The following ZNF454 variants were observed in gnomAD, a reference collection of about 807,000 sequenced individuals.
ZNF454 encodes the protein zinc finger protein 454.
Under a neutral mutation model 48.2 loss-of-function variants are expected in ZNF454, and 30 were observed. The ratio of observed to expected loss-of-function variants is 0.62; its 90% CI spans 0.47 to 0.84. ZNF454 has a LOEUF of 0.84. ZNF454 is among the 40% of genes least tolerant of loss of function. The pLI, the probability that ZNF454 is intolerant of heterozygous loss-of-function variation, is 0.00. For missense variants in ZNF454, 510 were observed against 623.1 expected, an observed-to-expected ratio of 0.82 and a Z score of 1.93; for synonymous variants, 204 against 211.4, an observed-to-expected ratio of 0.97 and a Z score of 0.30.
At chr5:178,978,692 A>AACAGT in the ZNF454 span, 1 of 152,236 alleles carries the variant, frequency 6.6e-6, no homozygotes, top group Non-Finnish European at 1.5e-5. Flanking sequence ...CCTCCAACCC[A>AACAGT]GAACTCCATT....
At chr5:178,971,892 C>T in the ZNF454 span, among the ~76,000 whole-genome samples, 412 of 150,956 alleles carry the variant, frequency 2.7e-3, 2 homozygotes, top group African/African-American at 8.6e-3. Flanking sequence ...CCAGGAAGGG[C>T]GGCTCTGTCT....
At chr5:178,986,348 C>G in the ZNF454 span, 2 of 1,614,098 alleles carry the variant, frequency 1.2e-6, no homozygotes, top group South Asian at 2.2e-5. Context: ...AAGGTGATGG[C>G]GTAGATGAGG....
the ZNF454 span, among the ~76,000 whole-genome samples, chr5:178,974,294 TGTGGTTGTTGTGGTTGTG>T: frequency 1.4e-5 from 2 of 141,788 alleles, no homozygotes; most frequent in African/African-American, 6.3e-5. Flanking sequence ...TAGTGGTTGT[TGTGGTTGTTGTGGTTGTG>T]GTTGTTGTTG....
rs1454002549 is a variant in ZNF454, at chr5:178,941,336, G to A, written c.-216G>A. On this transcript the variant is annotated 5_prime_UTR_variant, in exon 1 of 5. Transcript: ENST00000519564. This position sits in a 1 kb window ranked among gnomAD's most constrained non-coding sequence, Gnocchi z 5.5. ...TGGTCAAAGCCGCAGAGGGAGAGCG[G>A]GAGCGGTCGTGAGGTCGTCTGGGGA... 6 of 454,950 alleles carry A rather than the reference G, an allele frequency of 1.3e-5. No individual in the cohort carries two copies. The highest frequency in any genetic ancestry group is 2.2e-5 in the Non-Finnish European group (5 of 225,900). 28.2% of individuals were successfully genotyped at this position (454,950 alleles called of 1,614,324 possible).
At chr5:178,964,409 A>C (rs545567998) in intron 4 of ZNF454, among the ~76,000 whole-genome samples, 3 of 152,180 alleles carry the variant, frequency 2.0e-5, no homozygotes, top group Non-Finnish European at 4.4e-5. Flanking sequence ...TGTGAGCCAC[A>C]ACGCCCAGCC....
At chr5:178,982,520 T>C in the ZNF454 span, among the ~76,000 whole-genome samples, 1 of 125,864 alleles carries the variant, frequency 7.9e-6, no homozygotes, top group East Asian at 2.4e-4. Flanking sequence ...GAGCTTGCAG[T>C]GAGCCAAGAT....
the ZNF454 span, chr5:178,987,412 C>T: frequency 1.0e-4 from 48 of 459,010 alleles, no homozygotes; most frequent in Middle Eastern, 6.4e-4. Context: ...GCAACCCGAG[C>T]GTCCACTGAC....
chr5:178,943,683 A>G (rs931882077), intron 2 of ZNF454, among the ~76,000 whole-genome samples: 4 of 152,222 alleles, frequency 2.6e-5, no homozygotes, highest in Non-Finnish European at 4.4e-5. Flanking sequence ...ATTCTGCCAA[A>G]AAGTCCTATA....
chr5:178,986,326 G>A, the ZNF454 span: 5 of 1,614,124 alleles, frequency 3.1e-6, no homozygotes, highest in Non-Finnish European at 4.2e-6. Flanking sequence ...CCCAGGCTCA[G>A]CCACCATGAG....
the ZNF454 span, among the ~76,000 whole-genome samples, chr5:178,973,768 A>G: frequency 0.22 from 33,101 of 150,098 alleles, 4,130 homozygotes; most frequent in Non-Finnish European, 0.28. Flanking sequence ...GCCTGAACCC[A>G]GGAGGCGGAG....
At chr5:178,942,360 C>T (rs1022430070) in intron 1 of ZNF454, 13 of 156,138 alleles carry the variant, frequency 8.3e-5, no homozygotes, top group Middle Eastern at 6.4e-3. Context: ...GAGCCAAGAT[C>T]GTGCCACTGC....
At chr5:178,962,885 G>C (rs1339608203) in intron 4 of ZNF454, among the ~76,000 whole-genome samples, 1 of 151,756 alleles carries the variant, frequency 6.6e-6, no homozygotes, top group Non-Finnish European at 1.5e-5. Flanking sequence ...AATAGCTGGA[G>C]GTTGGTCACA....
chr5:178,981,661 T>C, the ZNF454 span: 3 of 1,612,786 alleles, frequency 1.9e-6, no homozygotes, highest in African/African-American at 1.3e-5. This position sits in a 1 kb window ranked among gnomAD's most constrained non-coding sequence, Gnocchi z 5.1. Flanking sequence ...GCCCTGCTAC[T>C]TGTGGGCCTC....
At chr5:178,981,846 GA>G in the ZNF454 span, 1 of 1,608,822 alleles carries the variant, frequency 6.2e-7, no homozygotes, top group Non-Finnish European at 8.5e-7. The surrounding 1 kb of genome is among the most constrained non-coding windows in gnomAD (Gnocchi z 5.1). Flanking sequence ...TGGTTGTCTG[GA>G]TGTAGATCTA....
rs773826555 is a variant in ZNF454, at chr5:178,964,799, G to C, written c.395G>C (p.Gly132Ala). The C allele has an allele frequency of 6.2e-7, 1 of 1,614,160 alleles. No individual in the cohort carries two copies. The change falls in exon 5 of 5, where the codon GGC becomes GCC. Residue 132 changes from glycine to alanine, a missense_variant. Around this residue, in one of 3 missense-constraint regions of ZNF454, gnomAD observed 354 missense variants for 408.9 expected, o/e 0.87. Transcript: ENST00000519564. Reference sequence around the variant, plus strand: ...AGCCTGCTGGAGTGGCAATGTGGAGGCCAGGAGATCAGTTTGCAGCGAGTG... The same window carrying C: ...AGCCTGCTGGAGTGGCAATGTGGAGCCCAGGAGATCAGTTTGCAGCGAGTG... The part of the protein sequence containing the change: ...CASLLEWQCG[G>A]QEISLQRVVL...
chr5:178,978,401 A>G, the ZNF454 span: 1 of 152,242 alleles, frequency 6.6e-6, no homozygotes, highest in Admixed American at 6.5e-5. Flanking sequence ...TACAGTAAGC[A>G]ATGAATGTAA....
At chr5:178,982,640 A>G in the ZNF454 span, among the ~76,000 whole-genome samples, 1 of 149,442 alleles carries the variant, frequency 6.7e-6, no homozygotes, top group South Asian at 2.1e-4. Flanking sequence ...AAACAAGCTA[A>G]CTGTAACTGG....
rs1317468458 is a variant in ZNF454 at position 178,964,707 on chromosome 5, T to G, written c.303T>G (p.Pro101=). 2 of 1,614,234 alleles carry G rather than the reference T, an allele frequency of 1.2e-6. No homozygotes were observed. Among genetic ancestry groups the G allele is most frequent in the Admixed American group, 3.3e-5 (2 of 60,026 alleles). ...AATCTACTGTCAAGGCAGAGATTCCTGAAGAAGAATTGGATCAATGGACAA... is the reference window on the plus strand; with the variant it reads ...AATCTACTGTCAAGGCAGAGATTCCGGAAGAAGAATTGGATCAATGGACAA... The part of the protein sequence containing the change: ...SKKSTVKAEI[P]EEELDQWTIK... The change falls in exon 5 of 5, where the codon CCT becomes CCG. Residue 101 remains proline, a synonymous_variant. Transcript: ENST00000519564.
chr5:178,989,723 T>C, the ZNF454 span: 49 of 443,880 alleles, frequency 1.1e-4, no homozygotes, highest in Admixed American at 3.5e-4. Context: ...AAGACTTTTA[T>C]CCCTGCTCCT....
Sources: gnomAD v4.1 joint callset for allele counts (sites outside exome capture counted in the v4.1 genomes callset) on GRCh38, gnomAD v4.1.1 for gene constraint, gnomAD v4.1.1 regional missense constraint, Gnocchi (gnomAD v3.1) non-coding constraint, MANE v1.5 for transcripts, NCBI Gene and HGNC (gene_info 2026-07-23, HGNC 2026-07-21) for gene names.